Variants in CNTN5 observed in about 807,000 individuals in gnomAD.
The protein encoded by CNTN5 is contactin-5.
CNTN5 carries 77 observed loss-of-function variants against 129.1 expected under a neutral mutation model. The ratio of observed to expected loss-of-function variants is 0.60; its 90% CI spans 0.50 to 0.72. The LOEUF (loss-of-function observed/expected upper bound fraction) is 0.72. Ranked by LOEUF, CNTN5 falls within the 30% of genes least tolerant of loss-of-function variation. The pLI, the probability that CNTN5 is intolerant of heterozygous loss-of-function variation, is 0.00. For synonymous variants in CNTN5, 509 were observed against 465.6 expected, an observed-to-expected ratio of 1.09 and a Z score of -1.20; for missense variants, 1,478 against 1,328.8, an observed-to-expected ratio of 1.11 and a Z score of -1.75.
At chr11:99,130,279 C>A (rs540142803) in intron 1 of CNTN5, among the ~76,000 whole-genome samples, 1 of 151,974 alleles carries the variant, frequency 6.6e-6, no homozygotes, top group Non-Finnish European at 1.5e-5. Flanking sequence ...ATTTACCAAA[C>A]AAATAGAAAG....
intron 3 of CNTN5, among the ~76,000 whole-genome samples, chr11:99,689,728 G>C (rs1292520889): frequency 2.6e-5 from 4 of 151,720 alleles, no homozygotes; most frequent in African/African-American, 9.7e-5. Flanking sequence ...TGTATGTCTT[G>C]TTTTGAGAGG....
chr11:99,585,382 A>AACC (rs1335186815), intron 3 of CNTN5, among the ~76,000 whole-genome samples: 7 of 152,184 alleles, frequency 4.6e-5, no homozygotes, highest in Non-Finnish European at 7.4e-5. Flanking sequence ...TGAATGAAAA[A>AACC]AGGTAGGAGG....
intron 24 of CNTN5, among the ~76,000 whole-genome samples, chr11:100,355,510 T>C (rs1035191772): frequency 2.2e-4 from 33 of 151,864 alleles, no homozygotes; most frequent in African/African-American, 8.0e-4. Context: ...ATAACAGTCA[T>C]TTGTTACCAT....
intron 3 of CNTN5, among the ~76,000 whole-genome samples, chr11:99,688,344 A>C (rs1953884341): frequency 6.6e-6 from 1 of 152,142 alleles, no homozygotes; most frequent in Admixed American, 6.5e-5. Flanking sequence ...TGCCCAGCCA[A>C]GAAATTTATT....
At chr11:100,126,695 T>G (rs1028046998) in intron 13 of CNTN5, among the ~76,000 whole-genome samples, 7 of 152,112 alleles carry the variant, frequency 4.6e-5, no homozygotes, top group African/African-American at 1.7e-4. Context: ...GATGGGTCTC[T>G]TGAAGACAGA....
At chr11:99,644,469 A>G (rs993118817) in intron 3 of CNTN5, among the ~76,000 whole-genome samples, 1 of 152,186 alleles carries the variant, frequency 6.6e-6, no homozygotes, top group African/African-American at 2.4e-5. Context: ...AAGTCAAATA[A>G]TTAATTCTTC....
chr11:100,262,482 C>T (rs137953461), intron 17 of CNTN5, among the ~76,000 whole-genome samples: 1 of 152,274 alleles, frequency 6.6e-6, no homozygotes, highest in African/African-American at 2.4e-5. Flanking sequence ...TATAAAGACA[C>T]ATGAACATGT....
At chr11:99,674,911 C>A (rs1438924842) in intron 3 of CNTN5, among the ~76,000 whole-genome samples, 3 of 152,144 alleles carry the variant, frequency 2.0e-5, no homozygotes, top group Admixed American at 2.0e-4. Flanking sequence ...CTTACCCTTC[C>A]ATCTTTGGGT....
chr11:99,445,807 G>A (rs1944039593), intron 2 of CNTN5, among the ~76,000 whole-genome samples: 1 of 151,956 alleles, frequency 6.6e-6, no homozygotes, highest in African/African-American at 2.4e-5. Context: ...CTTAGGGCCG[G>A]GCGCGGTGAC....
rs563382399 is a variant in CNTN5, at chr11:99,527,107, G to T, written c.-70-29038G>T. Among the ~76,000 whole-genome samples, 3 of 152,300 alleles carry T rather than the reference G, an allele frequency of 2.0e-5. No homozygotes were observed. The South Asian group carries it at 6.2e-4, about 32-fold the overall frequency. ...GAGTAAAGCCACTTGTCTCCCCTAGGATAGCTGGGATGTCTGAAATAGCAG... is the reference window on the plus strand; with the variant it reads ...GAGTAAAGCCACTTGTCTCCCCTAGTATAGCTGGGATGTCTGAAATAGCAG... On this transcript the variant is annotated intron_variant, in intron 2 of 24. Transcript: ENST00000524871.
In CNTN5 at chr11:100,158,373, A is replaced by G. The variant is rs188139296; in HGVS notation, c.1581-32753A>G. ...TATTGCATACTTGACATTTACTAAC[A>G]CAGTATTTGCGCTACACACACAAAA... On this transcript the variant is annotated intron_variant, in intron 13 of 24. Transcript: ENST00000524871. 1.2e-3 allele frequency among the ~76,000 whole-genome samples: 177 copies of G among 152,010 alleles called. 1 individual carries two copies. Among genetic ancestry groups the G allele is most frequent in the African/African-American group, 4.1e-3 (171 of 41,522 alleles).
rs114859294 is a variant in CNTN5 at position 99,734,542 on chromosome 11, T to C, written c.56-85002T>C. Reference sequence around the variant, plus strand: ...TGAGACATTCAGGATTACAAAACATTATTATATATCATACTGATTTTACAA... The same window carrying C: ...TGAGACATTCAGGATTACAAAACATCATTATATATCATACTGATTTTACAA... On this transcript the variant is annotated intron_variant, in intron 3 of 24. Transcript: ENST00000524871. Among the ~76,000 whole-genome samples the C allele has an allele frequency of 2.9e-3, 440 of 152,282 alleles. 2 individuals are homozygous for C. Among genetic ancestry groups the C allele is most frequent in the African/African-American group, 0.01 (418 of 41,554 alleles).
Position 99,403,657 on chromosome 11 carries a change from A to G in CNTN5, c.-71+78173A>G, listed in dbSNP as rs532791305. On this transcript the variant is annotated intron_variant, in intron 2 of 24. Transcript: ENST00000524871. The stretch of plus-strand genomic sequence containing the variant: ...TATTGTTTAATTTCCATATAGTCCT[A>G]TAGTTTTCAAAATTCCTCTTGTTAT... Among the ~76,000 whole-genome samples the G allele has an allele frequency of 2.0e-5, 3 of 152,190 alleles. No individual in the cohort carries two copies. In the South Asian group the frequency reaches 6.2e-4, roughly 32 times the overall value.
chr11:99,499,887 G>T (rs1322836653), intron 2 of CNTN5, among the ~76,000 whole-genome samples: 1 of 152,040 alleles, frequency 6.6e-6, no homozygotes, highest in Non-Finnish European at 1.5e-5. Flanking sequence ...TTATGTATTG[G>T]GTGCCATAGA....
At chr11:99,786,579 G>T (rs979979506) in intron 3 of CNTN5, among the ~76,000 whole-genome samples, 1 of 152,106 alleles carries the variant, frequency 6.6e-6, no homozygotes, top group African/African-American at 2.4e-5. Context: ...AAAGCTGGAG[G>T]CATTAAGCTA....
At chr11:99,345,528 C>T (rs560489958) in intron 2 of CNTN5, among the ~76,000 whole-genome samples, 10 of 152,128 alleles carry the variant, frequency 6.6e-5, no homozygotes, top group South Asian at 4.2e-4. Flanking sequence ...ATGAGGAAGG[C>T]GTTATCACTC....
chr11:99,810,759 C>A (rs1302047135), intron 3 of CNTN5, among the ~76,000 whole-genome samples: 1 of 152,112 alleles, frequency 6.6e-6, no homozygotes, highest in Admixed American at 6.6e-5. Context: ...AACATTAATT[C>A]TCATCAAAGA....
chr11:100,110,043 G>A (rs1042265616), intron 13 of CNTN5, among the ~76,000 whole-genome samples: 1 of 151,930 alleles, frequency 6.6e-6, no homozygotes. Context: ...GCCTGGCATG[G>A]TGTCGTGTTG....
chr11:100,352,079 G>T (rs1330484389), intron 24 of CNTN5, among the ~76,000 whole-genome samples: 1 of 151,616 alleles, frequency 6.6e-6, no homozygotes, highest in African/African-American at 2.4e-5. Flanking sequence ...TTAAACTTGT[G>T]TCATGGGGTT....
Sources: gnomAD v4.1 joint callset for allele counts (sites outside exome capture counted in the v4.1 genomes callset) on GRCh38, gnomAD v4.1.1 for gene constraint, MANE v1.5 for transcripts, NCBI Gene and HGNC (gene_info 2026-07-23, HGNC 2026-07-21) for gene names.